Variants in ZFHX4 observed in about 807,000 individuals in gnomAD.
ZFHX4 encodes the protein zinc finger homeobox 4.
A neutral mutation model predicts 267.6 loss-of-function variants in ZFHX4; 56 were observed. That is an observed-to-expected ratio of 0.21 (90% confidence interval 0.17 to 0.26). The LOEUF (loss-of-function observed/expected upper bound fraction) is 0.26, where lower values mean the gene tolerates loss of function less well. Ranked by LOEUF, ZFHX4 falls within the 10% of genes least tolerant of loss-of-function variation. The probability of loss-of-function intolerance (pLI) is 1.00; values close to 1 mark genes in which losing one functional copy is unlikely to be tolerated. For missense variants in ZFHX4, 4,332 were observed against 4,420.0 expected, an observed-to-expected ratio of 0.98 and a Z score of 0.56; for synonymous variants, 1,778 against 1,665.6, an observed-to-expected ratio of 1.07 and a Z score of -1.64.
In ZFHX4 at chr8:76,782,168, C is replaced by G. The variant is rs544633028; in HGVS notation, c.3325+3729C>G. On this transcript the variant is annotated intron_variant, in intron 4 of 10. Coordinates refer to ENST00000651372, the MANE Select transcript of ZFHX4 (RefSeq NM_024721.5). ...CATCTTCTTGCCAAATCTTCTGGAG[C>G]GCTTGTAATTTCCTCTGTACAGAGC... The G allele has an allele frequency of 9.3e-5, 39 of 418,700 alleles. 1 individual carries two copies. Among genetic ancestry groups the G allele is most frequent in the South Asian group, 6.2e-4 (37 of 59,584 alleles). 25.9% of individuals were successfully genotyped at this position (418,700 alleles called of 1,614,324 possible). A position where few individuals can be genotyped will look rare whatever the true frequency, so the allele number is the denominator to read the frequency against.
Position 76,854,797 on chromosome 8 carries a change from C to A in ZFHX4, c.7876C>A (p.Leu2626Met). 1 of 1,610,960 alleles carries A rather than the reference C, an allele frequency of 6.2e-7. No homozygotes were observed. Among genetic ancestry groups the A allele is most frequent in the Non-Finnish European group, 8.5e-7 (1 of 1,178,886 alleles). ...GGAAATACTCTATGAAAAATACTTG[C>A]TGGATTCCAATCCTACCAGAAAAAT... is the stretch of plus-strand genomic sequence containing the variant. ...QLEILYEKYL[L>M]DSNPTRKMLD... Residue 2626 changes from leucine (L) to methionine (M), a missense_variant, in exon 10 of 11, where the codon CTG becomes ATG. By Grantham distance (15) the Leu-to-Met change is conservative. Around this residue, in one of 7 missense-constraint regions of ZFHX4, gnomAD observed 1,648 missense variants for 1,625.0 expected, o/e 1.01. Transcript: ENST00000651372.
chr8:76,706,157 A>G lies in ZFHX4; in HGVS notation c.2069A>G (p.Glu690Gly). The stretch of plus-strand genomic sequence containing the variant: ...CCTCACCCCAGGCTTGCCCGGGGTG[A>G]GAGTTACACGTGTGGCTATAAACCC... ...GQPHPRLARG[E>G]SYTCGYKPFR... Residue 690 changes from glutamate (E) to glycine (G), a missense_variant, in exon 2 of 11, where the codon GAG (glutamate) becomes GGG (glycine). This residue lies in a region of ZFHX4 where 1,195 missense variants were observed against 1,173.6 expected (regional missense o/e 1.02). Transcript: ENST00000651372. 1 of 1,613,982 alleles carries G rather than the reference A, an allele frequency of 6.2e-7. No individual in the cohort carries two copies. The highest frequency in any genetic ancestry group is 8.5e-7 in the Non-Finnish European group (1 of 1,179,984).
chr8:76,737,594 C>T (rs1421350028), intron 3 of ZFHX4, among the ~76,000 whole-genome samples: 1 of 152,116 alleles, frequency 6.6e-6, no homozygotes, highest in African/African-American at 2.4e-5. Context: ...ACCTCTCTAA[C>T]CTTCCGTTTC....
chr8:76,694,729 G>A (rs1308280677), intron 1 of ZFHX4, among the ~76,000 whole-genome samples: 1 of 112,450 alleles, frequency 8.9e-6, no homozygotes, highest in African/African-American at 3.4e-5. Flanking sequence ...CCACCATCCT[G>A]TCCACTCAGG....
chr8:76,745,076 A>G (rs1207316170), intron 3 of ZFHX4, among the ~76,000 whole-genome samples: 1 of 152,156 alleles, frequency 6.6e-6, no homozygotes, highest in Non-Finnish European at 1.5e-5. Flanking sequence ...CTGTCCTTTC[A>G]GCCTGAAATG....
chr8:76,753,109 A>G (rs1208659726), intron 3 of ZFHX4, among the ~76,000 whole-genome samples: 2 of 152,198 alleles, frequency 1.3e-5, no homozygotes, highest in Non-Finnish European at 2.9e-5. Context: ...TTCTGTATTG[A>G]TTAATAAACT....
At chr8:76,803,583 G>GTGTCTATCC (rs1254794432) in intron 4 of ZFHX4, among the ~76,000 whole-genome samples, 6 of 152,054 alleles carry the variant, frequency 3.9e-5, no homozygotes, top group African/African-American at 1.2e-4. Context: ...TTTGGTGTTT[G>GTGTCTATCC]TGTCTATCCT....
intron 4 of ZFHX4, among the ~76,000 whole-genome samples, chr8:76,785,969 T>C (rs1810677281): frequency 6.6e-6 from 1 of 152,154 alleles, no homozygotes; most frequent in Non-Finnish European, 1.5e-5. Flanking sequence ...AAAGGAAATA[T>C]TTGTTTCCCC....
intron 3 of ZFHX4, among the ~76,000 whole-genome samples, chr8:76,767,365 T>C (rs1221059295): frequency 6.6e-6 from 1 of 152,160 alleles, no homozygotes; most frequent in African/African-American, 2.4e-5. Context: ...ATTATTTAGG[T>C]GAGCTCTTTT....
chr8:76,767,716 A>G (rs1810088295), intron 3 of ZFHX4, among the ~76,000 whole-genome samples: 1 of 152,214 alleles, frequency 6.6e-6, no homozygotes, highest in Admixed American at 6.5e-5. Flanking sequence ...AGGGTAGAGG[A>G]AAAGTTAAAC....
chr8:76,809,748 C>G (rs1339354886), intron 4 of ZFHX4, among the ~76,000 whole-genome samples: 1 of 151,966 alleles, frequency 6.6e-6, no homozygotes, highest in Non-Finnish European at 1.5e-5. Context: ...TTAATAAATG[C>G]TCTTTTGGAT....
intron 3 of ZFHX4, among the ~76,000 whole-genome samples, chr8:76,717,384 T>G (rs541671392): frequency 6.6e-6 from 1 of 152,152 alleles, no homozygotes; most frequent in African/African-American, 2.4e-5. Flanking sequence ...GACTTAGAGA[T>G]GTTTGGAGAA....
At chr8:76,729,271 T>C (rs923332576) in intron 3 of ZFHX4, among the ~76,000 whole-genome samples, 3 of 152,114 alleles carry the variant, frequency 2.0e-5, no homozygotes, top group Non-Finnish European at 4.4e-5. Context: ...GTGTGCCTTC[T>C]GCTTTGAAGG....
chr8:76,739,146 C>T (rs1327466365), intron 3 of ZFHX4, among the ~76,000 whole-genome samples: 2 of 152,122 alleles, frequency 1.3e-5, no homozygotes, highest in African/African-American at 4.8e-5. Flanking sequence ...GCTGGCAAAA[C>T]CATATCATTC....
intron 1 of ZFHX4, among the ~76,000 whole-genome samples, chr8:76,687,134 T>C (rs76651026): frequency 0.043 from 6,483 of 152,316 alleles, 309 homozygotes; most frequent in East Asian, 0.24. Context: ...AGTATTGTTC[T>C]GAAACAATAA....
chr8:76,816,021 T>G (rs1054407743), intron 4 of ZFHX4, among the ~76,000 whole-genome samples: 1 of 152,170 alleles, frequency 6.6e-6, no homozygotes, highest in Non-Finnish European at 1.5e-5. Flanking sequence ...TGAAAATAAT[T>G]GCAGATGATC....
chr8:76,762,798 ACTCT>A (rs1340971091), intron 3 of ZFHX4, among the ~76,000 whole-genome samples: 1 of 152,238 alleles, frequency 6.6e-6, no homozygotes, highest in Non-Finnish European at 1.5e-5. Flanking sequence ...CATCGTATTG[ACTCT>A]CTCAATAGGT....
chr8:76,684,800 G>A (rs77935116), intron 1 of ZFHX4, among the ~76,000 whole-genome samples: 6,459 of 152,224 alleles, frequency 0.042, 313 homozygotes, highest in East Asian at 0.24. Context: ...TTAATTTTGA[G>A]CTAGTTGGAT....
intron 3 of ZFHX4, among the ~76,000 whole-genome samples, chr8:76,772,974 T>C (rs536727962): frequency 1.3e-5 from 2 of 152,276 alleles, no homozygotes. Context: ...TCTATTTCAC[T>C]ACAGGAAAAA....
Sources: gnomAD v4.1 joint callset for allele counts (sites outside exome capture counted in the v4.1 genomes callset) on GRCh38, gnomAD v4.1.1 for gene constraint, gnomAD v4.1.1 regional missense constraint, MANE v1.5 for transcripts, NCBI Gene and HGNC (gene_info 2026-07-23, HGNC 2026-07-21) for gene names.